The following THADA variants were observed in gnomAD, a reference collection of about 807,000 sequenced individuals.
The protein encoded by THADA is tRNA (32-2'-O)-methyltransferase regulator THADA.
In THADA, 213 loss-of-function variants were observed where a neutral mutation model predicts 219.8. The ratio of observed to expected loss-of-function variants is 0.97; its 90% CI spans 0.87 to 1.09. The LOEUF (loss-of-function observed/expected upper bound fraction) is 1.09, where lower values mean the gene tolerates loss of function less well. THADA is among the 50% of genes least tolerant of loss of function. The pLI, the probability that THADA is intolerant of heterozygous loss-of-function variation, is 0.00. For missense variants in THADA, 2,956 were observed against 2,311.3 expected (o/e 1.28, Z -5.72); for synonymous variants, 1,018 against 828.9 (o/e 1.23, Z -3.92).
chr2:43,339,851 T>G (rs13411629), intron 30 of THADA, among the ~76,000 whole-genome samples: 1 of 151,994 alleles, frequency 6.6e-6, no homozygotes, highest in South Asian at 2.1e-4. Flanking sequence ...CCAGCTTACT[T>G]GGAAGACTCT....
intron 26 of THADA, among the ~76,000 whole-genome samples, chr2:43,467,946 G>A (rs374651793): frequency 1.3e-4 from 20 of 152,274 alleles, no homozygotes; most frequent in Non-Finnish European, 2.2e-4. Context: ...TCAAAAGACC[G>A]CTGAGCTAAG....
intron 35 of THADA, among the ~76,000 whole-genome samples, chr2:43,282,710 A>C (rs1472193882): frequency 6.6e-6 from 1 of 152,248 alleles, no homozygotes; most frequent in Admixed American, 6.5e-5. Context: ...GCTTAAAAGC[A>C]AAACAAAAAA....
chr2:43,245,172 C>CTTTTTTTTTTTTTTT lies in THADA; in HGVS notation c.5297-12305_5297-12291dup, dbSNP rs200036949. ...TACTGGAGCTTCTTTCTTTCTTCTT[C>CTTTTTTTTTTTTTTT]TTTTTTTTTTTTTTTTTTGAGACGG... On this transcript the variant is annotated intron_variant, in intron 36 of 37. Transcript: ENST00000405975. 6.4e-3 allele frequency among the ~76,000 whole-genome samples: 659 copies of CTTTTTTTTTTTTTTT among 103,000 alleles called. 75 individuals carry two copies. Among genetic ancestry groups the CTTTTTTTTTTTTTTT allele is most frequent in the African/African-American group, 8.2e-3 (165 of 20,012 alleles). 67.6% of individuals were successfully genotyped at this position (103,000 alleles called of 152,430 possible).
chr2:43,471,562 A>G (rs754356291), intron 26 of THADA, among the ~76,000 whole-genome samples: 1 of 152,182 alleles, frequency 6.6e-6, no homozygotes, highest in Non-Finnish European at 1.5e-5. Context: ...TAAAGAGTAC[A>G]TATCTAAAAT....
intron 30 of THADA, among the ~76,000 whole-genome samples, chr2:43,334,774 CAA>C (rs1485902528): frequency 7.0e-6 from 1 of 143,652 alleles, no homozygotes; most frequent in East Asian, 2.1e-4. Context: ...GACTCCGTCT[CAA>C]AACAAAAAAA....
At chr2:43,511,312 A>G (rs1690412448) in intron 22 of THADA, among the ~76,000 whole-genome samples, 1 of 152,184 alleles carries the variant, frequency 6.6e-6, no homozygotes, top group Non-Finnish European at 1.5e-5. Context: ...TACTAGTTCA[A>G]TAATGCTCCT....
At position 43,281,752 on chromosome 2, in the gene THADA, T is replaced by C. The variant is rs74323421; in HGVS notation, c.5165-1856A>G. ...ACGCCTGGCCTCTCATGCACTTTTA[T>C]GTCCTTTGCTTCTACCTATTCAGTA... is the stretch of plus-strand genomic sequence containing the variant. On this transcript the variant is annotated intron_variant, in intron 35 of 37. Coordinates refer to ENST00000405975, the MANE Select transcript of THADA (RefSeq NM_022065.5). 4.9e-3 allele frequency among the ~76,000 whole-genome samples: 741 copies of C among 152,090 alleles called. 8 individuals carry two copies. The highest frequency in any genetic ancestry group is 0.017 in the African/African-American group (695 of 41,504).
chr2:43,435,781 CA>C (rs542080356), intron 26 of THADA, among the ~76,000 whole-genome samples: 165 of 53,814 alleles, frequency 3.1e-3, no homozygotes, highest in Middle Eastern at 0.018. Flanking sequence ...AACTTGCCAC[CA>C]AAAAAAAAAA....
Position 43,555,624 on chromosome 2 carries a change from A to G in THADA, c.2674+721T>C, listed in dbSNP as rs543910285. 3.9e-5 allele frequency among the ~76,000 whole-genome samples: 6 copies of G among 152,052 alleles called. No homozygotes were observed. In the East Asian group the frequency reaches 1.2e-3, roughly 29 times the overall value. ...AAGCATCATCCTCCATGGTACTGTC[A>G]CCTCTCTATCTCCAGATCTCTGGCC... On this transcript the variant is annotated intron_variant, in intron 17 of 37. Coordinates refer to ENST00000405975, the MANE Select transcript of THADA (RefSeq NM_022065.5).
At chr2:43,328,193 G>C (rs146024987) in intron 30 of THADA, among the ~76,000 whole-genome samples, 1,591 of 152,270 alleles carry the variant, frequency 0.01, 10 homozygotes, top group Middle Eastern at 0.024. Flanking sequence ...AAATCAAAAT[G>C]CAAAATGGTG....
chr2:43,502,368 T>A (rs915051528), intron 24 of THADA, among the ~76,000 whole-genome samples: 9 of 152,280 alleles, frequency 5.9e-5, no homozygotes, highest in African/African-American at 2.2e-4. Context: ...GAGAATCACC[T>A]GAGGTCAGGA....
chr2:43,421,547 T>C lies in THADA; in HGVS notation c.4058+6553A>G, dbSNP rs544628154. 1.1e-3 allele frequency among the ~76,000 whole-genome samples: 167 copies of C among 152,284 alleles called. 1 individual carries two copies. The highest frequency in any genetic ancestry group is 3.9e-3 in the African/African-American group (164 of 41,552). On this transcript the variant is annotated intron_variant, in intron 28 of 37. Transcript: ENST00000405975. The stretch of plus-strand genomic sequence containing the variant: ...CCAGGCAACTCTGTTCAAGATACTT[T>C]GGGAAATTGGGACAATAAAGAGTTA...
chr2:43,412,333 C>T lies in THADA; in HGVS notation c.4059-14194G>A, dbSNP rs533643331. Among the ~76,000 whole-genome samples, 4 of 152,184 alleles carry T rather than the reference C, an allele frequency of 2.6e-5. No individual in the cohort carries two copies. In the South Asian group the frequency reaches 6.2e-4, roughly 24 times the overall value. On this transcript the variant is annotated intron_variant, in intron 28 of 37. Transcript: ENST00000405975. The stretch of plus-strand genomic sequence containing the variant: ...GTCATGCCAAGTGCATAATCTTCAA[C>T]CCAAGATTAAAAATAAAGTGCTATG...
chr2:43,451,198 C>G (rs957066286), intron 26 of THADA, among the ~76,000 whole-genome samples: 1 of 152,138 alleles, frequency 6.6e-6, no homozygotes, highest in Non-Finnish European at 1.5e-5. Context: ...GGCAAGTGAT[C>G]AACAGTTTGG....
intron 31 of THADA, among the ~76,000 whole-genome samples, chr2:43,293,696 T>C (rs554151906): frequency 1.3e-5 from 2 of 152,342 alleles, no homozygotes; most frequent in East Asian, 1.9e-4. Flanking sequence ...TTTGTGTTTC[T>C]ACTCACTGGC....
intron 30 of THADA, among the ~76,000 whole-genome samples, chr2:43,341,404 G>A (rs1444217208): frequency 1.3e-5 from 2 of 152,116 alleles, no homozygotes; most frequent in African/African-American, 4.8e-5. Flanking sequence ...AACAGCAATA[G>A]GGACCACAGG....
chr2:43,274,238 T>C (rs116043502), intron 36 of THADA, among the ~76,000 whole-genome samples: 1 of 152,260 alleles, frequency 6.6e-6, no homozygotes, highest in Non-Finnish European at 1.5e-5. Context: ...CACTACAGGC[T>C]GCAAACTCAG....
rs1329605260 is a variant in THADA at position 43,350,443 on chromosome 2, A to T, written c.4228-6206T>A. Reference sequence around the variant, plus strand: ...TCTAACAATACAGTATGTCATTTGCAGTCATTCCAGTGTGGGCTAGGATTT... The same window carrying T: ...TCTAACAATACAGTATGTCATTTGCTGTCATTCCAGTGTGGGCTAGGATTT... On this transcript the variant is annotated intron_variant, in intron 29 of 37. Coordinates refer to ENST00000405975, the MANE Select transcript of THADA (RefSeq NM_022065.5). 5.9e-5 allele frequency among the ~76,000 whole-genome samples: 9 copies of T among 152,260 alleles called. 1 individual carries two copies. The highest frequency in any genetic ancestry group is 2.2e-4 in the African/African-American group (9 of 41,466).
At chr2:43,493,473 G>A (rs1251370675) in intron 25 of THADA, among the ~76,000 whole-genome samples, 1 of 152,090 alleles carries the variant, frequency 6.6e-6, no homozygotes, top group Non-Finnish European at 1.5e-5. Flanking sequence ...CCAGCCTGGC[G>A]ACAGAGCAAG....
Sources: allele counts gnomAD v4.1 joint callset (sites outside exome capture counted in the v4.1 genomes callset), GRCh38; gene constraint gnomAD v4.1.1; transcripts MANE v1.5; gene names NCBI Gene and HGNC (gene_info 2026-07-23, HGNC 2026-07-21).